Variants in TRPS1 observed in about 807,000 individuals in gnomAD.
The protein encoded by TRPS1 is transcriptional repressor GATA binding 1.
TRPS1 carries 6 observed loss-of-function variants against 101.2 expected under a neutral mutation model. That is an observed-to-expected ratio of 0.06 (90% CI 0.03 to 0.12). The LOEUF is 0.12. Among genes scored for constraint, TRPS1 ranks in the 10% least tolerant of loss-of-function variants. The pLI, the probability that TRPS1 is intolerant of heterozygous loss-of-function variation, is 1.00. For missense variants in TRPS1, 1,363 were observed against 1,567.0 expected (o/e 0.87, Z 2.20); for synonymous variants, 578 against 589.8 (o/e 0.98, Z 0.29).
At chr8:115,452,775 C>T (rs1238035064) in intron 5 of TRPS1, among the ~76,000 whole-genome samples, 1 of 152,104 alleles carries the variant, frequency 6.6e-6, no homozygotes, top group Non-Finnish European at 1.5e-5. Flanking sequence ...TTTCCTCGAG[C>T]ACAGATGTAA....
At chr8:115,657,508 CAA>C (rs1263278362) in intron 1 of TRPS1, among the ~76,000 whole-genome samples, 2 of 152,076 alleles carry the variant, frequency 1.3e-5, no homozygotes, top group Non-Finnish European at 2.9e-5. Context: ...CTGTAGACCT[CAA>C]AGAGTTGATA....
At chr8:115,574,230 C>T (rs185004441) in intron 5 of TRPS1, among the ~76,000 whole-genome samples, 1 of 152,256 alleles carries the variant, frequency 6.6e-6, no homozygotes, top group African/African-American at 2.4e-5. Context: ...CAGGAATTAA[C>T]TCCACAAAGT....
intron 4 of TRPS1, among the ~76,000 whole-genome samples, chr8:115,589,298 A>G (rs546088783): frequency 6.6e-6 from 1 of 152,202 alleles, no homozygotes; most frequent in Non-Finnish European, 1.5e-5. Flanking sequence ...GCTCAAATGC[A>G]TGTTTTAATT....
Position 115,619,514 on chromosome 8 carries a change from A to G in TRPS1, c.584T>C (p.Val195Ala). 1 of 1,614,146 alleles carries G rather than the reference A, an allele frequency of 6.2e-7. No homozygotes were observed. Among genetic ancestry groups the G allele is most frequent in the Non-Finnish European group, 8.5e-7 (1 of 1,180,018 alleles). ...AGGCACTTGTGGGTTTTTTGAGGCC[A>G]CTGAAACTGGGCTCAAACCTTGACA... Reference protein sequence around the residue: ...ANCQGLSPVSVASKNPQVPSD... With the variant: ...ANCQGLSPVSAASKNPQVPSD... The change falls in exon 3 of 7, where the codon GTG becomes GCG. Residue 195 changes from valine to alanine, a missense_variant. By Grantham distance (64) the Val-to-Ala change is moderately conservative (BLOSUM62 0). Coordinates refer to ENST00000395715, the MANE Select transcript of TRPS1 (RefSeq NM_014112.5).
intron 5 of TRPS1, among the ~76,000 whole-genome samples, chr8:115,583,895 T>G (rs774572923): frequency 6.6e-6 from 1 of 151,944 alleles, no homozygotes; most frequent in South Asian, 2.1e-4. Flanking sequence ...ACACTGACCC[T>G]GACATAAGCC....
chr8:115,505,333 A>G (rs1586343108), intron 5 of TRPS1, among the ~76,000 whole-genome samples: 1 of 152,258 alleles, frequency 6.6e-6, no homozygotes, highest in Non-Finnish European at 1.5e-5. Context: ...ACACATTCCA[A>G]TAAGAGTACT....
chr8:115,576,286 T>TATATAGATATAGATATAG (rs1238041454), intron 5 of TRPS1, among the ~76,000 whole-genome samples: 1 of 130,612 alleles, frequency 7.7e-6, no homozygotes, highest in African/African-American at 2.8e-5. Flanking sequence ...TTCATATATA[T>TATATAGATATAGATATAG]ATATAGATAT....
chr8:115,663,587 G>A (rs1811855834), intron 1 of TRPS1, among the ~76,000 whole-genome samples: 1 of 151,526 alleles, frequency 6.6e-6, no homozygotes, highest in African/African-American at 2.4e-5. Context: ...TCTTCTTTGG[G>A]GTGTCTTAAT....
chr8:115,429,386 T>G (rs1586265070), intron 5 of TRPS1, among the ~76,000 whole-genome samples: 1 of 152,318 alleles, frequency 6.6e-6, no homozygotes, highest in Middle Eastern at 3.4e-3. Flanking sequence ...GTAAAAATTC[T>G]CTCTTCAGTA....
At chr8:115,507,953 T>G (rs1318663264) in intron 5 of TRPS1, among the ~76,000 whole-genome samples, 3 of 151,996 alleles carry the variant, frequency 2.0e-5, no homozygotes, top group African/African-American at 7.2e-5. Context: ...AGAAACAAGT[T>G]CTTATCAAGA....
At chr8:115,563,653 A>G (rs1338787231) in intron 5 of TRPS1, among the ~76,000 whole-genome samples, 1 of 152,110 alleles carries the variant, frequency 6.6e-6, no homozygotes, top group Admixed American at 6.6e-5. Flanking sequence ...TAACAATGTA[A>G]ATCTTCCATG....
chr8:115,440,854 GC>G (rs1357200008), intron 5 of TRPS1, among the ~76,000 whole-genome samples: 8 of 152,080 alleles, frequency 5.3e-5, no homozygotes, highest in Admixed American at 3.9e-4. Flanking sequence ...AAGTCTGCTG[GC>G]TAAAATGTTT....
intron 5 of TRPS1, among the ~76,000 whole-genome samples, chr8:115,519,486 C>G (rs1252848417): frequency 6.6e-6 from 1 of 151,394 alleles, no homozygotes; most frequent in Non-Finnish European, 1.5e-5. Context: ...TATTTAGTGA[C>G]TCAAAGTCCA....
chr8:115,414,814 G>C lies in TRPS1; in HGVS notation c.3094C>G (p.Pro1032Ala). Reference sequence around the variant, plus strand: ...TCCAGAGTTTGGCTGACCAGGACTGGCTGCTGAGCAGAATGGCTTTTAGTC... The same window carrying C: ...TCCAGAGTTTGGCTGACCAGGACTGCCTGCTGAGCAGAATGGCTTTTAGTC... ...SLTKSHSAQQPVLVSQTLDIH... is the reference protein window; with the variant it reads ...SLTKSHSAQQAVLVSQTLDIH... Residue 1032 changes from proline (P) to alanine (A), a missense_variant, in exon 7 of 7, where the codon CCA (proline) becomes GCA (alanine). Transcript: ENST00000395715. The surrounding 1 kb of genome is among the most constrained non-coding windows in gnomAD (Gnocchi z 4.8). The C allele has an allele frequency of 1.2e-6, 2 of 1,613,954 alleles. No homozygotes were observed. Among genetic ancestry groups the C allele is most frequent in the African/African-American group, 1.3e-5 (1 of 74,992 alleles).
Position 115,604,383 on chromosome 8 carries a change from T to C in TRPS1, c.1586A>G (p.Glu529Gly), listed in dbSNP as rs773303600. The change falls in exon 4 of 7, where the codon GAG becomes GGG. Residue 529 changes from glutamate (E) to glycine (G), a missense_variant. Around this residue, in one of 5 missense-constraint regions of TRPS1, gnomAD observed 1,020 missense variants for 1,073.0 expected, o/e 0.95. Coordinates refer to ENST00000395715, the MANE Select transcript of TRPS1 (RefSeq NM_014112.5). This position sits in a 1 kb window ranked among gnomAD's most constrained non-coding sequence, Gnocchi z 4.1. ...KKKDFSSKGAEDNMVTSYNCQ... is the reference protein window; with the variant it reads ...KKKDFSSKGAGDNMVTSYNCQ... ...ATTATAGCTCGTTACCATATTATCC[T>C]CGGCTCCCTTGCTGGAGAAGTCCTT... 1 of 1,614,068 alleles carries C rather than the reference T, an allele frequency of 6.2e-7. No homozygotes were observed. The highest frequency in any genetic ancestry group is 8.5e-7 in the Non-Finnish European group (1 of 1,179,990).
At chr8:115,461,300 G>GAT (rs1563747861) in intron 5 of TRPS1, among the ~76,000 whole-genome samples, 292 of 26,860 alleles carry the variant, frequency 0.011, 1 homozygote, top group African/African-American at 0.038. Context: ...TAGATAGATA[G>GAT]ACAGATACAT....
chr8:115,551,968 C>T (rs562583310), intron 5 of TRPS1, among the ~76,000 whole-genome samples: 3 of 152,268 alleles, frequency 2.0e-5, no homozygotes, highest in South Asian at 2.1e-4. Context: ...TCTCATTCTT[C>T]GAATCATCTT....
rs375336150 is a variant in TRPS1, at chr8:115,604,607, G to A, written c.1362C>T (p.Phe454=). 1.1e-5 allele frequency: 17 copies of A among 1,613,936 alleles called. No homozygotes were observed. Among genetic ancestry groups the A allele is most frequent in the African/African-American group, 1.3e-5 (1 of 74,906 alleles). ...TAAGTGAGCTAGATGACTCACAGCTGAAACTACAAAATTTACACCAGTAGT... is the reference window on the plus strand; with the variant it reads ...TAAGTGAGCTAGATGACTCACAGCTAAAACTACAAAATTTACACCAGTAGT... ...TSYYWCKFCS[F]SCESSSSLKL... Residue 454 remains phenylalanine (F), a synonymous_variant, in exon 4 of 7, where the codon TTC becomes TTT. Transcript: ENST00000395715. This position sits in a 1 kb window ranked among gnomAD's most constrained non-coding sequence, Gnocchi z 4.1.
At chr8:115,535,212 A>T (rs1421646466) in intron 5 of TRPS1, among the ~76,000 whole-genome samples, 1 of 144,344 alleles carries the variant, frequency 6.9e-6, no homozygotes, top group East Asian at 2.0e-4. Flanking sequence ...GCATATGTAT[A>T]GCATATATAG....
Sources: gnomAD v4.1 joint callset for allele counts (sites outside exome capture counted in the v4.1 genomes callset) on GRCh38, gnomAD v4.1.1 for gene constraint, gnomAD v4.1.1 regional missense constraint, Gnocchi (gnomAD v3.1) non-coding constraint, MANE v1.5 for transcripts, NCBI Gene and HGNC (gene_info 2026-07-23, HGNC 2026-07-21) for gene names.